NOL4: variants seen among roughly 807,000 people sequenced by gnomAD.
The protein encoded by NOL4 is nucleolar protein 4.
NOL4 carries 17 observed loss-of-function variants against 75.9 expected under a neutral mutation model. That is an observed-to-expected ratio of 0.22 (90% CI 0.15 to 0.34). The LOEUF is 0.34. Among genes scored for constraint, NOL4 ranks in the 10% least tolerant of loss-of-function variants. The pLI, the probability that NOL4 is intolerant of heterozygous loss-of-function variation, is 1.00. For missense variants in NOL4, 614 were observed against 793.5 expected, an observed-to-expected ratio of 0.77 and a Z score of 2.72; for synonymous variants, 292 against 289.9, an observed-to-expected ratio of 1.01 and a Z score of -0.07.
intron 1 of NOL4, among the ~76,000 whole-genome samples, chr18:34,210,015 C>G (rs2036405671): frequency 6.6e-6 from 1 of 152,158 alleles, no homozygotes; most frequent in African/African-American, 2.4e-5. Flanking sequence ...CTTATTAACA[C>G]TTCCTATGTT....
chr18:34,003,167 A>G (rs1437142050), intron 6 of NOL4, among the ~76,000 whole-genome samples: 1 of 152,130 alleles, frequency 6.6e-6, no homozygotes, highest in Non-Finnish European at 1.5e-5. Flanking sequence ...CAAGCATTAA[A>G]GTACATGATT....
chr18:33,973,232 C>A (rs1225522332), intron 6 of NOL4, among the ~76,000 whole-genome samples: 4 of 152,168 alleles, frequency 2.6e-5, no homozygotes, highest in Non-Finnish European at 5.9e-5. Context: ...AAACTACTTT[C>A]TTTGATTATC....
At chr18:33,860,593 A>T (rs1055007384) in intron 10 of NOL4, among the ~76,000 whole-genome samples, 9 of 152,104 alleles carry the variant, frequency 5.9e-5, no homozygotes, top group Non-Finnish European at 1.3e-4. Flanking sequence ...GGACAATTTG[A>T]CTTCCTCTTT....
intron 5 of NOL4, among the ~76,000 whole-genome samples, chr18:34,042,254 G>A (rs1312421309): frequency 1.7e-4 from 26 of 151,908 alleles, no homozygotes; most frequent in Admixed American, 1.7e-3. Context: ...AAAGAGGCAA[G>A]CTCCCTAGCC....
chr18:34,087,378 T>C (rs1211902102), intron 5 of NOL4, among the ~76,000 whole-genome samples: 1 of 152,098 alleles, frequency 6.6e-6, no homozygotes, highest in Non-Finnish European at 1.5e-5. Context: ...AAGAGGATTG[T>C]GATAATTTTC....
At chr18:33,915,661 G>A (rs1289261676) in intron 9 of NOL4, among the ~76,000 whole-genome samples, 1 of 152,084 alleles carries the variant, frequency 6.6e-6, no homozygotes, top group Admixed American at 6.6e-5. Context: ...TTAAATATAT[G>A]AAGAACTGTC....
chr18:34,149,136 C>T (rs1312037712), intron 1 of NOL4, among the ~76,000 whole-genome samples: 1 of 151,462 alleles, frequency 6.6e-6, no homozygotes, highest in East Asian at 1.9e-4. Flanking sequence ...TGTGATAGAG[C>T]AGTAAATTCC....
chr18:33,903,688 T>C (rs1172964824), intron 9 of NOL4, among the ~76,000 whole-genome samples: 2 of 152,216 alleles, frequency 1.3e-5, no homozygotes, highest in Non-Finnish European at 2.9e-5. Context: ...TGATGCTAGA[T>C]AGTTTGAATG....
At chr18:34,177,214 C>G (rs996600808) in intron 1 of NOL4, among the ~76,000 whole-genome samples, 11 of 151,798 alleles carry the variant, frequency 7.2e-5, no homozygotes, top group Non-Finnish European at 1.0e-4. Flanking sequence ...CTAGAAATTG[C>G]AAACTACTAT....
intron 1 of NOL4, among the ~76,000 whole-genome samples, chr18:34,161,960 A>T (rs2031547862): frequency 1.3e-5 from 2 of 152,246 alleles, no homozygotes; most frequent in South Asian, 4.1e-4. Flanking sequence ...TATTTATTTA[A>T]TTTTTAATTT....
intron 1 of NOL4, among the ~76,000 whole-genome samples, chr18:34,161,639 A>T (rs1408570138): frequency 2.6e-5 from 4 of 151,970 alleles, no homozygotes. Context: ...CCATTTGTAC[A>T]TCTTCTCTTA....
At chr18:33,947,265 T>G (rs2068902113) in intron 8 of NOL4, among the ~76,000 whole-genome samples, 1 of 151,772 alleles carries the variant, frequency 6.6e-6, no homozygotes, top group South Asian at 2.1e-4. Context: ...AACTCTCCTT[T>G]TCATCATTAC....
chr18:34,015,079 C>T (rs1434637892), intron 6 of NOL4, among the ~76,000 whole-genome samples: 1 of 151,948 alleles, frequency 6.6e-6, no homozygotes, highest in South Asian at 2.1e-4. Context: ...ATGGAACAAT[C>T]CTGAGGACTA....
At chr18:33,887,004 T>C (rs1191845900) in intron 9 of NOL4, among the ~76,000 whole-genome samples, 2 of 136,002 alleles carry the variant, frequency 1.5e-5, no homozygotes, top group East Asian at 2.0e-4. Context: ...TAGATATATC[T>C]ATATACATAT....
At chr18:34,001,561 G>A (rs1263522439) in intron 6 of NOL4, 1 of 152,172 alleles carries the variant, frequency 6.6e-6, no homozygotes, top group Admixed American at 6.5e-5. Context: ...GCAGGTGCGT[G>A]TGTGTCTGTG....
chr18:33,971,340 A>G (rs567710795), intron 6 of NOL4, among the ~76,000 whole-genome samples: 189 of 152,310 alleles, frequency 1.2e-3, no homozygotes, highest in Non-Finnish European at 1.3e-3. Flanking sequence ...AGTGACAGTG[A>G]ACATTCTCTT....
intron 1 of NOL4, among the ~76,000 whole-genome samples, chr18:34,135,697 CAAA>C (rs371169726): frequency 1.0e-4 from 6 of 57,346 alleles, no homozygotes; most frequent in Admixed American, 8.9e-4. Flanking sequence ...GACTCCATCT[CAAA>C]AAAAAAAAAA....
intron 6 of NOL4, among the ~76,000 whole-genome samples, chr18:33,983,353 A>G (rs1024662707): frequency 2.0e-5 from 3 of 152,088 alleles, no homozygotes; most frequent in African/African-American, 7.2e-5. Flanking sequence ...ATAACGTGTC[A>G]TTGTAGGTTC....
At chr18:33,853,912 C>T (rs1010534698) in intron 10 of NOL4, among the ~76,000 whole-genome samples, 3 of 151,940 alleles carry the variant, frequency 2.0e-5, no homozygotes, top group Admixed American at 1.3e-4. Flanking sequence ...TATTTAAAAT[C>T]TTTTATTCAG....
Sources: gnomAD v4.1 joint callset for allele counts (sites outside exome capture counted in the v4.1 genomes callset) on GRCh38, gnomAD v4.1.1 for gene constraint, MANE v1.5 for transcripts, NCBI Gene and HGNC (gene_info 2026-07-23, HGNC 2026-07-21) for gene names.